The following KALRN variants were observed in gnomAD, a reference collection of about 807,000 sequenced individuals.
The protein encoded by KALRN is kalirin RhoGEF kinase.
In KALRN, 70 loss-of-function variants were observed where a neutral mutation model predicts 353.7. The ratio of observed to expected loss-of-function variants is 0.20; its 90% CI spans 0.16 to 0.24. The LOEUF (loss-of-function observed/expected upper bound fraction) is 0.24. KALRN is among the 10% of genes least tolerant of loss of function. The pLI is 1.00. For missense variants in KALRN, 2,791 were observed against 3,756.7 expected (o/e 0.74, Z 6.72); for synonymous variants, 1,391 against 1,434.8 (o/e 0.97, Z 0.69).
At chr3:124,659,869 A>G (rs1014556234) in intron 43 of KALRN, among the ~76,000 whole-genome samples, 4 of 148,524 alleles carry the variant, frequency 2.7e-5, no homozygotes, top group Non-Finnish European at 5.9e-5. Flanking sequence ...TATATATATA[A>G]AATCAATATA....
chr3:124,327,919 A>G lies in KALRN; in HGVS notation c.1284+1748A>G, dbSNP rs139969048. 6.1e-3 allele frequency among the ~76,000 whole-genome samples: 927 copies of G among 152,326 alleles called. 17 individuals are homozygous for G. The highest frequency in any genetic ancestry group is 4.1e-3 in the Non-Finnish European group (276 of 68,026). ...ATTCATTCACCCTTAGGCAAGTCAC[A>G]TCACCATTCTGAGCTTGTTTCCTCT... On this transcript the variant is annotated intron_variant, in intron 7 of 59. Coordinates refer to ENST00000682506, the MANE Select transcript of KALRN (RefSeq NM_001388419.1).
chr3:124,283,576 C>A (rs913834774), intron 5 of KALRN, among the ~76,000 whole-genome samples: 3 of 152,110 alleles, frequency 2.0e-5, no homozygotes, highest in African/African-American at 7.2e-5. Context: ...TCCTTCCCCA[C>A]AGGAGGGTAA....
chr3:124,204,614 C>G (rs1398445781), intron 1 of KALRN, among the ~76,000 whole-genome samples: 1 of 112,914 alleles, frequency 8.9e-6, no homozygotes, highest in African/African-American at 3.3e-5. Flanking sequence ...AAATTCCAGT[C>G]ATTTATCTTT....
intron 54 of KALRN, among the ~76,000 whole-genome samples, chr3:124,697,169 A>AT (rs1260202190): frequency 1.3e-5 from 2 of 152,222 alleles, no homozygotes; most frequent in Non-Finnish European, 2.9e-5. Context: ...AAGTGCTAGG[A>AT]TTATAGGCGT....
chr3:124,454,709 A>C (rs2059133760), intron 21 of KALRN, among the ~76,000 whole-genome samples: 1 of 152,056 alleles, frequency 6.6e-6, no homozygotes, highest in Non-Finnish European at 1.5e-5. Context: ...TGTACTGAAC[A>C]TATACAGACT....
intron 52 of KALRN, 78 bp from the exon 53 acceptor site, chr3:124,694,254 G>C (rs2061954657): frequency 1.5e-6 from 2 of 1,341,072 alleles, no homozygotes; most frequent in Non-Finnish European, 1.1e-6. Context: ...GGAAATGAGA[G>C]AGGTGTGTTA....
At chr3:124,591,713 T>C (rs1314229536) in intron 34 of KALRN, among the ~76,000 whole-genome samples, 1 of 152,216 alleles carries the variant, frequency 6.6e-6, no homozygotes, top group Non-Finnish European at 1.5e-5. Context: ...ATAGCAGTAA[T>C]TGTAATACTA....
intron 10 of KALRN, among the ~76,000 whole-genome samples, chr3:124,383,452 C>T (rs1034922063): frequency 6.6e-6 from 1 of 152,166 alleles, no homozygotes; most frequent in African/African-American, 2.4e-5. Context: ...CTACCCTGTG[C>T]CTTTTTCTCA....
At chr3:124,475,050 A>G (rs1232720552) in intron 26 of KALRN, among the ~76,000 whole-genome samples, 1 of 152,184 alleles carries the variant, frequency 6.6e-6, no homozygotes, top group Non-Finnish European at 1.5e-5. Flanking sequence ...GAACTTTAGG[A>G]AGCCACCTAA....
intron 34 of KALRN, among the ~76,000 whole-genome samples, chr3:124,566,238 C>T (rs1291382481): frequency 1.3e-5 from 2 of 152,208 alleles, no homozygotes. Context: ...CAGTGGCTCA[C>T]TCCTGTAATC....
At chr3:124,381,309 G>A (rs1308845290) in intron 10 of KALRN, among the ~76,000 whole-genome samples, 1 of 152,188 alleles carries the variant, frequency 6.6e-6, no homozygotes, top group African/African-American at 2.4e-5. Context: ...GAGTTTTGGG[G>A]GATGCAAGTA....
At chr3:124,595,343 A>G (rs1044874656) in intron 34 of KALRN, among the ~76,000 whole-genome samples, 5 of 152,202 alleles carry the variant, frequency 3.3e-5, no homozygotes, top group Admixed American at 3.3e-4. Context: ...GGATTTCCAG[A>G]GCAGATTATT....
At chr3:124,663,604 T>G (rs2085177865) in intron 45 of KALRN, among the ~76,000 whole-genome samples, 1 of 152,218 alleles carries the variant, frequency 6.6e-6, no homozygotes, top group Non-Finnish European at 1.5e-5. Context: ...GATTGGTACC[T>G]AGTAGTTGTT....
intron 25 of KALRN, among the ~76,000 whole-genome samples, chr3:124,474,137 C>G (rs1454533824): frequency 1.3e-5 from 2 of 152,110 alleles, no homozygotes; most frequent in Non-Finnish European, 2.9e-5. Flanking sequence ...ATTAAGTTTT[C>G]TTTCCTAATG....
chr3:124,338,622 G>A (rs1282104507), intron 9 of KALRN, among the ~76,000 whole-genome samples: 2 of 152,156 alleles, frequency 1.3e-5, no homozygotes, highest in Non-Finnish European at 2.9e-5. Context: ...GTTGATTTGG[G>A]GTGGAGAGAT....
intron 34 of KALRN, among the ~76,000 whole-genome samples, chr3:124,584,019 A>G (rs1457738804): frequency 1.3e-5 from 2 of 152,182 alleles, no homozygotes; most frequent in Non-Finnish European, 2.9e-5. Flanking sequence ...AAAATTTTTT[A>G]AAGAAAATCT....
chr3:124,666,397 T>C, intron 45 of KALRN, 52 bp from the exon 46 acceptor site: 1 of 1,560,594 alleles, frequency 6.4e-7, no homozygotes, highest in Admixed American at 1.7e-5. Flanking sequence ...CAGAGGGCAG[T>C]GGCTCGCTCC....
chr3:124,639,621 CAT>C (rs1449321062), intron 37 of KALRN, among the ~76,000 whole-genome samples: 1 of 152,116 alleles, frequency 6.6e-6, no homozygotes, highest in Non-Finnish European at 1.5e-5. Flanking sequence ...TAAGCAAAGA[CAT>C]AGAAAAGTCC....
At chr3:124,570,977 C>G (rs1380266087) in intron 34 of KALRN, among the ~76,000 whole-genome samples, 2 of 152,158 alleles carry the variant, frequency 1.3e-5, no homozygotes, top group South Asian at 2.1e-4. Context: ...ACTTCTAGAG[C>G]CTGTTGGATT....
Sources: gnomAD v4.1 joint callset for allele counts (sites outside exome capture counted in the v4.1 genomes callset) on GRCh38, gnomAD v4.1.1 for gene constraint, MANE v1.5 for transcripts, NCBI Gene and HGNC (gene_info 2026-07-23, HGNC 2026-07-21) for gene names.